The following DTD1 variants were observed in gnomAD, a reference collection of about 807,000 sequenced individuals.
DTD1 encodes D-aminoacyl-tRNA deacylase 1.
A neutral mutation model predicts 25.6 loss-of-function variants in DTD1; 13 were observed. The observed-to-expected ratio is 0.51, with a 90% CI of 0.33 to 0.81. The LOEUF (loss-of-function observed/expected upper bound fraction) is 0.81, where lower values mean the gene tolerates loss of function less well. Ranked by LOEUF, DTD1 falls within the 30% of genes least tolerant of loss-of-function variation. The pLI, the probability that DTD1 is intolerant of heterozygous loss-of-function variation, is 0.02. For missense variants in DTD1, 193 were observed against 266.4 expected, an observed-to-expected ratio of 0.72 and a Z score of 1.92; for synonymous variants, 110 against 103.6, an observed-to-expected ratio of 1.06 and a Z score of -0.37.
At chr20:18,681,611 A>T (rs1249398778) in intron 4 of DTD1, among the ~76,000 whole-genome samples, 1 of 152,216 alleles carries the variant, frequency 6.6e-6, no homozygotes, top group Non-Finnish European at 1.5e-5. Flanking sequence ...AGAGAGTAGA[A>T]GAAAATGTTT....
chr20:18,749,661 G>A lies in DTD1; in HGVS notation c.*19+5390G>A, dbSNP rs1224841835. ...GCCAGGTCAGCCAGAGAGGGCCTTG[G>A]GTCCCTGAGCAAGAGACACCAAACT... is the stretch of plus-strand genomic sequence containing the variant. On this transcript the variant is annotated intron_variant, in intron 5 of 5. Transcript: ENST00000377452. The surrounding 1 kb of genome is among the most constrained non-coding windows in gnomAD (Gnocchi z 4.2). Among the ~76,000 whole-genome samples, 2 of 152,132 alleles carry A rather than the reference G, an allele frequency of 1.3e-5. No homozygotes were observed. Among genetic ancestry groups the A allele is most frequent in the South Asian group, 2.1e-4 (1 of 4,822 alleles).
intron 4 of DTD1, among the ~76,000 whole-genome samples, chr20:18,629,349 G>A (rs1422414902): frequency 1.4e-5 from 2 of 140,182 alleles, no homozygotes; most frequent in Non-Finnish European, 3.0e-5. Context: ...CACCCAGGCT[G>A]GAGTGCAGTG....
rs755273398 is a variant in DTD1 at position 18,593,830 on chromosome 20, C to G, written c.134+9C>G. 1.2e-6 allele frequency: 2 copies of G among 1,607,622 alleles called. 1 individual carries two copies. The highest frequency in any genetic ancestry group is 2.2e-5 in the South Asian group (2 of 90,648). Reference sequence around the variant, plus strand: ...AAGGAACTGGAACACATGTAAGATGCATTTCTGTCATTGCTGTTTGAGTGG... The same window carrying G: ...AAGGAACTGGAACACATGTAAGATGGATTTCTGTCATTGCTGTTTGAGTGG... On this transcript the variant is annotated intron_variant, in intron 2 of 5. Coordinates refer to ENST00000377452, the MANE Select transcript of DTD1 (RefSeq NM_080820.6).
intron 4 of DTD1, among the ~76,000 whole-genome samples, chr20:18,708,171 G>GTATATATATATTTTATATATATAT (rs2061134425): frequency 5.8e-5 from 5 of 85,858 alleles, no homozygotes; most frequent in East Asian, 2.9e-4. Context: ...GTGTGTGTGT[G>GTATATATATATTTTATATATATAT]TATATATATA....
At chr20:18,727,022 T>C (rs2122499701) in intron 4 of DTD1, among the ~76,000 whole-genome samples, 1 of 152,314 alleles carries the variant, frequency 6.6e-6, no homozygotes, top group Non-Finnish European at 1.5e-5. Flanking sequence ...ACGGGTGGAC[T>C]CTTGGGTGCT....
At chr20:18,620,120 T>G (rs1334125978) in intron 3 of DTD1, 1 of 152,212 alleles carries the variant, frequency 6.6e-6, no homozygotes, top group Non-Finnish European at 1.5e-5. Context: ...CCAGGTAAGG[T>G]GAATTTCTCC....
chr20:18,721,870 G>A (rs780791072), intron 4 of DTD1, among the ~76,000 whole-genome samples: 4 of 73,848 alleles, frequency 5.4e-5, no homozygotes, highest in Non-Finnish European at 1.1e-4. Flanking sequence ...CCAGCCCTGC[G>A]CTCTGTCCTG....
chr20:18,673,697 GA>G, intron 4 of DTD1, among the ~76,000 whole-genome samples: 1 of 152,300 alleles, frequency 6.6e-6, no homozygotes, highest in Middle Eastern at 3.4e-3. Context: ...AACAAACACA[GA>G]GGTCTTTTTA....
chr20:18,636,842 T>A (rs942299593), intron 4 of DTD1, among the ~76,000 whole-genome samples: 1 of 152,184 alleles, frequency 6.6e-6, no homozygotes, highest in African/African-American at 2.4e-5. Flanking sequence ...TCTATCAAAG[T>A]TATCCAGGGG....
chr20:18,682,169 C>T (rs1184687937), intron 4 of DTD1, among the ~76,000 whole-genome samples: 1 of 152,110 alleles, frequency 6.6e-6, no homozygotes, highest in Non-Finnish European at 1.5e-5. Flanking sequence ...AGGGGGAACC[C>T]GTATTTGTGA....
rs375245197 is a variant in DTD1, at chr20:18,725,589, G to A, written c.478-18511G>A. On this transcript the variant is annotated intron_variant, in intron 4 of 5. Transcript: ENST00000377452. ...CTGGCAGGAGCCACTTTTTAATGACGCTCTTTCTCTAAGGTGCTCCACTCG... is the reference window on the plus strand; with the variant it reads ...CTGGCAGGAGCCACTTTTTAATGACACTCTTTCTCTAAGGTGCTCCACTCG... 3.3e-5 allele frequency among the ~76,000 whole-genome samples: 5 copies of A among 152,260 alleles called. No homozygotes were observed. In the East Asian group the frequency reaches 9.6e-4, roughly 29 times the overall value.
intron 4 of DTD1, among the ~76,000 whole-genome samples, chr20:18,639,368 A>T (rs1300545274): frequency 6.6e-6 from 1 of 152,186 alleles, no homozygotes; most frequent in East Asian, 1.9e-4. Context: ...ATTGTAGCTA[A>T]TATTTTCAGG....
At chr20:18,687,619 A>T (rs1215506818) in intron 4 of DTD1, among the ~76,000 whole-genome samples, 1 of 152,098 alleles carries the variant, frequency 6.6e-6, no homozygotes, top group Non-Finnish European at 1.5e-5. Context: ...CAATGGCATA[A>T]GCATGGCTCA....
chr20:18,610,360 G>T (rs2060681466), intron 3 of DTD1, among the ~76,000 whole-genome samples: 1 of 152,082 alleles, frequency 6.6e-6, no homozygotes, highest in South Asian at 2.1e-4. Flanking sequence ...CCCAAGCTGG[G>T]ACTACAGACG....
intron 5 of DTD1, among the ~76,000 whole-genome samples, chr20:18,753,130 T>G (rs944656174): frequency 6.6e-6 from 1 of 152,228 alleles, no homozygotes; most frequent in African/African-American, 2.4e-5. Context: ...GAGATGTAAA[T>G]TAAAATTAAA....
chr20:18,594,996 T>TGTTTC (rs2060604329), intron 2 of DTD1, among the ~76,000 whole-genome samples: 1 of 152,222 alleles, frequency 6.6e-6, no homozygotes, highest in Non-Finnish European at 1.5e-5. Flanking sequence ...AACTGTCATC[T>TGTTTC]ACTTAACATC....
chr20:18,671,823 G>T (rs1346275388), intron 4 of DTD1, among the ~76,000 whole-genome samples: 1 of 152,184 alleles, frequency 6.6e-6, no homozygotes, highest in Admixed American at 6.5e-5. Flanking sequence ...AAGTTTGAGG[G>T]CAGGAAACAT....
chr20:18,688,214 CATTTACCT>C (rs1373290461), intron 4 of DTD1, among the ~76,000 whole-genome samples: 1 of 152,176 alleles, frequency 6.6e-6, no homozygotes, highest in Non-Finnish European at 1.5e-5. Context: ...CAAATATTAT[CATTTACCT>C]ACTATGCCAC....
intron 4 of DTD1, among the ~76,000 whole-genome samples, chr20:18,708,216 A>ATTT (rs1568676566): frequency 2.9e-4 from 3 of 10,524 alleles, no homozygotes; most frequent in African/African-American, 5.4e-4. Flanking sequence ...TTTTATATAT[A>ATTT]TAATATATAT....
Sources: gnomAD v4.1 joint callset for allele counts (sites outside exome capture counted in the v4.1 genomes callset) on GRCh38, gnomAD v4.1.1 for gene constraint, Gnocchi (gnomAD v3.1) non-coding constraint, MANE v1.5 for transcripts, NCBI Gene and HGNC (gene_info 2026-07-23, HGNC 2026-07-21) for gene names.